CEP170B: variants seen among roughly 807,000 people sequenced by gnomAD.
The protein encoded by CEP170B is centrosomal protein 170B, also known as centrosomal protein of 170 kDa protein B.
A neutral mutation model predicts 120.6 loss-of-function variants in CEP170B; 55 were observed. The ratio of observed to expected loss-of-function variants is 0.46; its 90% confidence interval spans 0.37 to 0.57. The LOEUF (loss-of-function observed/expected upper bound fraction) is 0.57, where lower values mean the gene tolerates loss of function less well. CEP170B is among the 20% of genes least tolerant of loss of function. The pLI is 0.00. For synonymous variants in CEP170B, 1,033 were observed against 954.5 expected (o/e 1.08, Z -1.52); for missense variants, 2,212 against 2,253.3 (o/e 0.98, Z 0.37).
intron 3 of CEP170B, among the ~76,000 whole-genome samples, chr14:104,877,578 G>A (rs932156280): frequency 2.0e-4 from 31 of 152,356 alleles, no homozygotes; most frequent in African/African-American, 7.5e-4. Context: ...TGGGTGAGAG[G>A]AAGCATCTCT....
At chr14:104,872,318 CCGTGGGTGTG>C (rs146901987) in intron 2 of CEP170B, among the ~76,000 whole-genome samples, 20 of 57,826 alleles carry the variant, frequency 3.5e-4, no homozygotes, top group East Asian at 1.9e-3. Flanking sequence ...TGCGTGTGTG[CCGTGGGTGTG>C]CGTGGGTGTG....
rs543011736 is a variant in CEP170B at position 104,867,102 on chromosome 14, G to C, written c.-27-1322G>C. Among the ~76,000 whole-genome samples, 1 of 152,188 alleles carries C rather than the reference G, an allele frequency of 6.6e-6. No homozygotes were observed. The highest frequency in any genetic ancestry group is 2.4e-5 in the African/African-American group (1 of 41,446). ...TTCTCAGTTTTTGAATAAGGGTACC[G>C]CGTTTTCTTTTTGTGCTGGGCCCTG... On this transcript the variant is annotated intron_variant, in intron 1 of 18. Transcript: ENST00000414716. This position sits in a 1 kb window ranked among gnomAD's most constrained non-coding sequence, Gnocchi z 5.4.
intron 2 of CEP170B, among the ~76,000 whole-genome samples, chr14:104,871,179 G>A (rs1895464878): frequency 6.6e-6 from 1 of 152,174 alleles, no homozygotes; most frequent in Non-Finnish European, 1.5e-5. Flanking sequence ...CTTCCCCGAG[G>A]CCCTATCCAC....
intron 6 of CEP170B, 116 bp downstream of exon 6, chr14:104,880,541 T>C (rs1438390958): frequency 5.6e-6 from 8 of 1,418,114 alleles, no homozygotes; most frequent in Non-Finnish European, 7.6e-6. Flanking sequence ...TGTACACCCA[T>C]ACCCCTCACC....
At chr14:104,885,103 G>C (rs59949155) in intron 9 of CEP170B, among the ~76,000 whole-genome samples, 93,735 of 150,670 alleles carry the variant, frequency 0.62, 32,127 homozygotes, top group Middle Eastern at 0.85. Context: ...TCCTGCTCCG[G>C]CCCAGCCCTG....
At chr14:104,879,170 G>C (rs1896013783) in intron 5 of CEP170B, among the ~76,000 whole-genome samples, 2 of 152,208 alleles carry the variant, frequency 1.3e-5, no homozygotes, top group African/African-American at 2.4e-5. Flanking sequence ...AGAGTCTCTA[G>C]ACAGAGTGTT....
chr14:104,895,909 T>A lies in CEP170B; in HGVS notation c.*951T>A, dbSNP rs1318386036. 3.9e-5 allele frequency: 6 copies of A among 152,782 alleles called. No individual in the cohort carries two copies. The highest frequency in any genetic ancestry group is 1.4e-4 in the African/African-American group (6 of 41,476). The allele number at this position is 152,782 out of a possible 1,614,324, so 9.5% of individuals were successfully genotyped here. A position where few individuals can be genotyped will look rare whatever the true frequency, so the allele number is the denominator to read the frequency against. On this transcript the variant is annotated 3_prime_UTR_variant, in exon 19 of 19. Coordinates refer to ENST00000414716, the MANE Select transcript of CEP170B (RefSeq NM_001112726.3). ...GCCCTCCCCTTTTGGCTTCACGCCATCAGGCCTCAAGTGGGCATGGGGGCA... is the reference window on the plus strand; with the variant it reads ...GCCCTCCCCTTTTGGCTTCACGCCAACAGGCCTCAAGTGGGCATGGGGGCA...
intron 2 of CEP170B, among the ~76,000 whole-genome samples, chr14:104,872,690 C>T (rs547795995): frequency 1.8e-4 from 28 of 152,172 alleles, no homozygotes; most frequent in Admixed American, 1.4e-3. Context: ...TTCTGTGCCC[C>T]GTGCATCGAG....
chr14:104,894,357 C>T lies in CEP170B; in HGVS notation c.4344C>T (p.Pro1448=), dbSNP rs376690364. 7 of 1,613,530 alleles carry T rather than the reference C, an allele frequency of 4.3e-6. No homozygotes were observed. Among genetic ancestry groups the T allele is most frequent in the Non-Finnish European group, 5.9e-6 (7 of 1,179,830 alleles). The change falls in exon 17 of 19, where the codon CCC becomes CCT. Residue 1448 remains proline, a synonymous_variant. Transcript: ENST00000414716. Reference sequence around the variant, plus strand: ...GGATCAACGCCGAGAACGAGGTGCCCATCCTGAAGACATCTAACAAGGTGA... The same window carrying T: ...GGATCAACGCCGAGAACGAGGTGCCTATCCTGAAGACATCTAACAAGGTGA... ...EARINAENEV[P]ILKTSNKEIS... is the part of the protein sequence containing the mutation.
At position 104,868,497 on chromosome 14, in the gene CEP170B, A is replaced by G; in HGVS notation, c.47A>G (p.His16Arg). 6.5e-7 allele frequency: 1 copy of G among 1,549,618 alleles called. No individual in the cohort carries two copies. The highest frequency in any genetic ancestry group is 8.7e-7 in the Non-Finnish European group (1 of 1,146,922). Residue 16 changes from histidine to arginine, a missense_variant, in exon 2 of 19, where the codon CAC becomes CGC. His to Arg is a conservative substitution (Grantham distance 29, BLOSUM62 0). Transcript: ENST00000414716. This position sits in a 1 kb window ranked among gnomAD's most constrained non-coding sequence, Gnocchi z 5.9. The stretch of plus-strand genomic sequence containing the variant: ...CTGGTGAGCAGCAGCGGCGCCCGCC[A>G]CCGGCTCCCTCGGGAGCTCATCTTC... ...WFLVSSSGAR[H>R]RLPRELIFVG...
At chr14:104,882,334 C>T (rs1407255998) in intron 6 of CEP170B, among the ~76,000 whole-genome samples, 2 of 152,176 alleles carry the variant, frequency 1.3e-5, no homozygotes, top group Non-Finnish European at 2.9e-5. Flanking sequence ...TGGCCTCCTG[C>T]CCTCTGTTGG....
chr14:104,893,947 A>G (rs906018736), intron 16 of CEP170B, 98 bp downstream of exon 16: 5 of 1,136,738 alleles, frequency 4.4e-6, no homozygotes, highest in African/African-American at 1.5e-5. Flanking sequence ...CAGCGGTTTC[A>G]TGGGTACTCG....
Position 104,884,136 on chromosome 14 carries a change from C to G in CEP170B, c.1357C>G (p.Gln453Glu). 6.4e-7 allele frequency: 1 copy of G among 1,562,338 alleles called. No homozygotes were observed. The highest frequency in any genetic ancestry group is 8.7e-7 in the Non-Finnish European group (1 of 1,154,458). ...RDRPSVPAPV[Q>E]AGGRSSGPQR... ...CCGCCCCAGTGTCCCAGCCCCAGTC[C>G]AGGCAGGGGGCCGCAGCTCGGGGCC... Residue 453 changes from glutamine (Q) to glutamate (E), a missense_variant, in exon 9 of 19, where the codon CAG becomes GAG. Physicochemically the swap from Gln to Glu is conservative, Grantham distance 29. Around this residue, in one of 2 missense-constraint regions of CEP170B, gnomAD observed 2,166 missense variants for 2,166.7 expected, o/e 1.00. Coordinates refer to ENST00000414716, the MANE Select transcript of CEP170B (RefSeq NM_001112726.3).
chr14:104,880,358 G>A lies in CEP170B; in HGVS notation c.405G>A (p.Pro135=), dbSNP rs376305196. 2.8e-4 allele frequency: 454 copies of A among 1,612,296 alleles called. No individual in the cohort carries two copies. The highest frequency in any genetic ancestry group is 3.5e-4 in the Non-Finnish European group (415 of 1,179,572). The change falls in exon 6 of 19, where the codon CCG becomes CCA. Residue 135 remains proline (P), a synonymous_variant. Coordinates refer to ENST00000414716, the MANE Select transcript of CEP170B (RefSeq NM_001112726.3). ...GLAPKRSEAL[P]EHTPYCEASN... ...CGCCCAAGAGGAGCGAGGCACTGCC[G>A]GAACACACACCATACTGCGAGGCCT...
rs753321525 is a variant in CEP170B, at chr14:104,886,731, C to A, written c.2492C>A (p.Pro831Gln). 4 of 1,606,560 alleles carry A rather than the reference C, an allele frequency of 2.5e-6. No individual in the cohort carries two copies. Among genetic ancestry groups the A allele is most frequent in the Non-Finnish European group, 3.4e-6 (4 of 1,176,336 alleles). ...GGGCAGACAGCCCAGCCCAGCCCCC[C>A]AGCACGGGATGGCGTCTATGTCAGT... ...GLGQTAQPSP[P>Q]ARDGVYVSAN... The change falls in exon 12 of 19, where the codon CCA becomes CAA. Residue 831 changes from proline to glutamine, a missense_variant. By Grantham distance (76) the Pro-to-Gln change is moderately conservative. This residue lies in a region of CEP170B where 2,166 missense variants were observed against 2,166.7 expected (regional missense o/e 1.00). Coordinates refer to ENST00000414716, the MANE Select transcript of CEP170B (RefSeq NM_001112726.3).
In CEP170B at chr14:104,878,493, G is replaced by T; in HGVS notation, c.325G>T (p.Ala109Ser). 1 of 1,611,290 alleles carries T rather than the reference G, an allele frequency of 6.2e-7. No individual in the cohort carries two copies. The change falls in exon 5 of 19, where the codon GCA becomes TCA. Residue 109 changes from alanine (A) to serine (S), a missense_variant. By Grantham distance (99) the Ala-to-Ser change is moderately conservative. This residue lies in a region of CEP170B where 2,166 missense variants were observed against 2,166.7 expected (regional missense o/e 1.00). Coordinates refer to ENST00000414716, the MANE Select transcript of CEP170B (RefSeq NM_001112726.3). ...TGTGCAGCACCGAGTCCCGGAGGAG[G>T]CACTCAAGGTTAGTGCTGGCCAAGC... ...ERVQHRVPEE[A>S]LKHEKYTSQL...
At position 104,894,809 on chromosome 14, in the gene CEP170B, G is replaced by C. The variant is rs372895815; in HGVS notation, c.4516G>C (p.Val1506Leu). 3 of 1,608,590 alleles carry C rather than the reference G, an allele frequency of 1.9e-6. No homozygotes were observed. The highest frequency in any genetic ancestry group is 2.5e-6 in the Non-Finnish European group (3 of 1,179,202). ...SAQPGLGKGRVAAQSPPSPAS... is the reference protein window; with the variant it reads ...SAQPGLGKGRLAAQSPPSPAS... ...ACAGCCGGGGCTGGGGAAGGGCCGCGTGGCTGCCCAGAGCCCACCCTCACC... is the reference window on the plus strand; with the variant it reads ...ACAGCCGGGGCTGGGGAAGGGCCGCCTGGCTGCCCAGAGCCCACCCTCACC... The change falls in exon 19 of 19, where the codon GTG becomes CTG. Residue 1506 changes from valine (V) to leucine (L), a missense_variant. Around this residue, in one of 2 missense-constraint regions of CEP170B, gnomAD observed 2,166 missense variants for 2,166.7 expected, o/e 1.00. Transcript: ENST00000414716.
intron 6 of CEP170B, among the ~76,000 whole-genome samples, chr14:104,881,366 G>A (rs966711980): frequency 9.2e-5 from 14 of 152,120 alleles, no homozygotes; most frequent in Non-Finnish European, 1.8e-4. Flanking sequence ...TCAGGCTCTC[G>A]GCTCCCACCT....
At chr14:104,892,327 GCCTGTGCCC>G (rs1271563066) in intron 13 of CEP170B, among the ~76,000 whole-genome samples, 1 of 152,168 alleles carries the variant, frequency 6.6e-6, no homozygotes, top group Non-Finnish European at 1.5e-5. Flanking sequence ...CAGGGTGGAG[GCCTGTGCCC>G]CCTGGGCACA....
Sources: gnomAD v4.1 joint callset for allele counts (sites outside exome capture counted in the v4.1 genomes callset) on GRCh38, gnomAD v4.1.1 for gene constraint, gnomAD v4.1.1 regional missense constraint, Gnocchi (gnomAD v3.1) non-coding constraint, MANE v1.5 for transcripts, NCBI Gene and HGNC (gene_info 2026-07-23, HGNC 2026-07-21) for gene names.